BACH2: variants seen among roughly 807,000 people sequenced by gnomAD.
The protein encoded by BACH2 is transcription regulator protein BACH2.
Under a neutral mutation model 61.8 loss-of-function variants are expected in BACH2, and 5 were observed. That is an observed-to-expected ratio of 0.08 (90% CI 0.04 to 0.17). The LOEUF (loss-of-function observed/expected upper bound fraction) is 0.17. Ranked by LOEUF, BACH2 falls within the 10% of genes least tolerant of loss-of-function variation. The probability of loss-of-function intolerance (pLI) is 1.00; values close to 1 mark genes in which losing one functional copy is unlikely to be tolerated. For missense variants in BACH2, 824 were observed against 1,091.1 expected, an observed-to-expected ratio of 0.76 and a Z score of 3.45; for synonymous variants, 446 against 440.1, an observed-to-expected ratio of 1.01 and a Z score of -0.17.
chr6:90,132,432 C>T (rs1279417781), intron 4 of BACH2, among the ~76,000 whole-genome samples: 2 of 152,166 alleles, frequency 1.3e-5, no homozygotes, highest in African/African-American at 2.4e-5. Flanking sequence ...CTTCCAGGCT[C>T]CTAGACTTGG....
intron 3 of BACH2, among the ~76,000 whole-genome samples, chr6:90,214,402 T>C (rs1197182534): frequency 6.6e-6 from 1 of 152,152 alleles, no homozygotes; most frequent in Non-Finnish European, 1.5e-5. Flanking sequence ...ATATTTCCTA[T>C]GATTTGGTGA....
chr6:90,070,624 G>A (rs1781182469), intron 5 of BACH2, among the ~76,000 whole-genome samples: 1 of 152,122 alleles, frequency 6.6e-6, no homozygotes, highest in Non-Finnish European at 1.5e-5. Context: ...GTCTACAGCA[G>A]CCCCCAAACA....
chr6:90,030,050 A>T (rs1446453055), intron 5 of BACH2, among the ~76,000 whole-genome samples: 1 of 152,202 alleles, frequency 6.6e-6, no homozygotes, highest in African/African-American at 2.4e-5. Context: ...AAATCCAGAA[A>T]CACATTGCCC....
chr6:89,973,936 T>C (rs1775508699), intron 6 of BACH2, among the ~76,000 whole-genome samples: 2 of 152,208 alleles, frequency 1.3e-5, no homozygotes, highest in African/African-American at 4.8e-5. Context: ...CTGTTATCAC[T>C]TTACATTGCA....
chr6:90,021,626 GGTTA>G (rs546684317), intron 5 of BACH2, among the ~76,000 whole-genome samples: 105 of 152,220 alleles, frequency 6.9e-4, no homozygotes, highest in African/African-American at 2.5e-3. Flanking sequence ...AAACTGTAAG[GGTTA>G]GTTCTTATAA....
At chr6:90,124,381 T>G (rs1352317423) in intron 4 of BACH2, among the ~76,000 whole-genome samples, 2 of 152,216 alleles carry the variant, frequency 1.3e-5, no homozygotes, top group African/African-American at 4.8e-5. Flanking sequence ...TATTTCCAAG[T>G]GTTTATTCAC....
At chr6:90,262,832 T>A (rs1771207667) in intron 2 of BACH2, among the ~76,000 whole-genome samples, 1 of 152,220 alleles carries the variant, frequency 6.6e-6, no homozygotes, top group South Asian at 2.1e-4. Flanking sequence ...TGTTAGTAAG[T>A]ATATAAACTA....
chr6:90,125,801 T>C (rs1341788148), intron 4 of BACH2, among the ~76,000 whole-genome samples: 2 of 152,164 alleles, frequency 1.3e-5, no homozygotes, highest in African/African-American at 4.8e-5. Flanking sequence ...ACTGAACAAG[T>C]GGCAGGGGTC....
rs377509742 is a variant in BACH2 at position 89,932,901 on chromosome 6, G to C, written c.2044-11C>G. 6.5e-7 allele frequency: 1 copy of C among 1,545,648 alleles called. No homozygotes were observed. The highest frequency in any genetic ancestry group is 1.2e-5 in the South Asian group (1 of 80,484). ...CTCTTTCTCACACACCTGGACAGTA[G>C]AGAAAAAAAGAGAAGGGTTGATCAA... On this transcript the variant is annotated splice_polypyrimidine_tract_variant and intron_variant, in intron 8 of 8. Coordinates refer to ENST00000257749, the MANE Select transcript of BACH2 (RefSeq NM_021813.4).
chr6:89,952,049 T>A (rs912511702), intron 6 of BACH2, 187 bp from the exon 7 acceptor site: 2 of 674,976 alleles, frequency 3.0e-6, no homozygotes, highest in African/African-American at 1.8e-5. Flanking sequence ...GTCTCGTGCA[T>A]GCCACTGTTG....
chr6:90,026,921 ACT>A (rs996543585), intron 5 of BACH2, among the ~76,000 whole-genome samples: 4 of 152,226 alleles, frequency 2.6e-5, no homozygotes, highest in Admixed American at 6.5e-5. Context: ...TCACCCGGTA[ACT>A]AAGAAAATCG....
chr6:90,069,283 A>AGT (rs1288426758), intron 5 of BACH2, among the ~76,000 whole-genome samples: 1 of 152,208 alleles, frequency 6.6e-6, no homozygotes, highest in African/African-American at 2.4e-5. Flanking sequence ...TCCGGATGGC[A>AGT]GTGTTCCAAT....
chr6:89,952,078 G>A, intron 6 of BACH2: 1 of 595,120 alleles, frequency 1.7e-6, no homozygotes. Context: ...CACAGCACAG[G>A]CAGAATTGAA....
intron 4 of BACH2, among the ~76,000 whole-genome samples, chr6:90,172,334 A>T: frequency 6.6e-6 from 1 of 151,456 alleles, no homozygotes; most frequent in Non-Finnish European, 1.5e-5. Context: ...GACATTATAC[A>T]TAACATACAG....
chr6:89,955,422 A>G (rs1370497164), intron 6 of BACH2, among the ~76,000 whole-genome samples: 1 of 152,232 alleles, frequency 6.6e-6, no homozygotes, highest in African/African-American at 2.4e-5. Context: ...CAAGTTCAGG[A>G]TAGGAGACTA....
At chr6:90,173,680 G>A (rs1767892176) in intron 4 of BACH2, among the ~76,000 whole-genome samples, 1 of 152,092 alleles carries the variant, frequency 6.6e-6, no homozygotes, top group Admixed American at 6.5e-5. Context: ...CGTGAGGGAA[G>A]GAAACTGATA....
At chr6:89,975,099 T>C (rs1362381504) in intron 6 of BACH2, among the ~76,000 whole-genome samples, 2 of 152,162 alleles carry the variant, frequency 1.3e-5, no homozygotes, top group African/African-American at 4.8e-5. Flanking sequence ...GCTTGCACTA[T>C]CCATTGAAAA....
At chr6:90,257,658 G>A (rs1771022149) in intron 2 of BACH2, among the ~76,000 whole-genome samples, 1 of 152,176 alleles carries the variant, frequency 6.6e-6, no homozygotes, top group African/African-American at 2.4e-5. Flanking sequence ...TATATCTGAT[G>A]TACATTGGAA....
chr6:89,964,444 T>C (rs1214172517), intron 6 of BACH2, among the ~76,000 whole-genome samples: 1 of 152,190 alleles, frequency 6.6e-6, no homozygotes. Context: ...AAATTTTATG[T>C]TATTTTTTTT....
Sources: allele counts gnomAD v4.1 joint callset (sites outside exome capture counted in the v4.1 genomes callset), GRCh38; gene constraint gnomAD v4.1.1; transcripts MANE v1.5; gene names NCBI Gene and HGNC (gene_info 2026-07-23, HGNC 2026-07-21).